Variants in ATP2B4 observed in about 807,000 individuals in gnomAD.
ATP2B4 encodes plasma membrane calcium-transporting ATPase 4.
Under a neutral mutation model 110.3 loss-of-function variants are expected in ATP2B4, and 39 were observed. That is an observed-to-expected ratio of 0.35 (90% CI 0.27 to 0.46). The LOEUF (loss-of-function observed/expected upper bound fraction) is 0.46. Among genes scored for constraint, ATP2B4 ranks in the 20% least tolerant of loss-of-function variants. The pLI is 1.00. For synonymous variants in ATP2B4, 538 were observed against 571.7 expected (o/e 0.94, Z 0.84); for missense variants, 1,135 against 1,530.9 (o/e 0.74, Z 4.32).
chr1:203,720,514 A>C (rs753043464), intron 15 of ATP2B4, 35 bp from the exon 16 acceptor site: 12 of 1,565,350 alleles, frequency 7.7e-6, no homozygotes, highest in Admixed American at 3.6e-5. Flanking sequence ...GGCTTTATCC[A>C]CTCCCTCACT....
intron 19 of ATP2B4, among the ~76,000 whole-genome samples, chr1:203,726,745 A>G (rs761631228): frequency 6.6e-6 from 1 of 152,150 alleles, no homozygotes; most frequent in African/African-American, 2.4e-5. Flanking sequence ...CTCACCGGGA[A>G]ATTTATTTCA....
Position 203,739,821 on chromosome 1 carries a change from C to G in ATP2B4, c.3585C>G (p.Asp1195Glu). 1 of 1,614,010 alleles carries G rather than the reference C, an allele frequency of 6.2e-7. No homozygotes were observed. The highest frequency in any genetic ancestry group is 8.5e-7 in the Non-Finnish European group (1 of 1,180,006). Residue 1195 changes from aspartate (D) to glutamate (E), a missense_variant, in exon 21 of 21, where the codon GAC becomes GAG. Coordinates refer to ENST00000357681, the MANE Select transcript of ATP2B4 (RefSeq NM_001684.5). ...ACCAAGTGCAGCTCCCCCAGTCGGACAGCTCTCTACAGAGCCTAGAGACAT... is the reference window on the plus strand; with the variant it reads ...ACCAAGTGCAGCTCCCCCAGTCGGAGAGCTCTCTACAGAGCCTAGAGACAT... ...DCNQVQLPQS[D>E]SSLQSLETSV
In ATP2B4 at chr1:203,683,342, T is replaced by TCCACTATGTACA. The variant is rs776505845; in HGVS notation, c.145_146insTACACCACTATG (p.Tyr48_Gly49insValHisHisTyr). Reference sequence around the variant, plus strand: ...AGGGATGCACTGACCCAGATTAATGTCCACTATGGAGGTGTACAGAATCTC... The same window carrying TCCACTATGTACA: ...AGGGATGCACTGACCCAGATTAATGTCCACTATGTACACCACTATGGAGGTGTACAGAATCTC... On this transcript the variant is annotated inframe_insertion, in exon 2 of 21. Transcript: ENST00000357681. 3.1e-6 allele frequency: 5 copies of TCCACTATGTACA among 1,614,056 alleles called. No homozygotes were observed. In the Admixed American group the frequency reaches 8.3e-5, roughly 27 times the overall value.
At chr1:203,692,217 G>A (rs1487127105) in intron 2 of ATP2B4, among the ~76,000 whole-genome samples, 1 of 150,954 alleles carries the variant, frequency 6.6e-6, no homozygotes, top group African/African-American at 2.4e-5. Flanking sequence ...TTGCTCTGTT[G>A]CCCAGGCTGG....
rs750615512 is a variant in ATP2B4, at chr1:203,698,282, A to C, written c.319A>C (p.Ile107Leu). The C allele has an allele frequency of 2.5e-6, 4 of 1,614,008 alleles. No homozygotes were observed. In the African/African-American group the frequency reaches 5.3e-5, roughly 22 times the overall value. ...GGAAGCTCTTCAAGATGTCACGCTTATCATCCTGGAGATTGCAGCCATCAT... is the reference window on the plus strand; with the variant it reads ...GGAAGCTCTTCAAGATGTCACGCTTCTCATCCTGGAGATTGCAGCCATCAT... The part of the protein sequence containing the change: ...VWEALQDVTL[I>L]ILEIAAIISL... The change falls in exon 3 of 21, where the codon ATC becomes CTC. Residue 107 changes from isoleucine to leucine, a missense_variant. Around this residue, in one of 9 missense-constraint regions of ATP2B4, gnomAD observed 101 missense variants for 182.6 expected, o/e 0.55. Transcript: ENST00000357681.
chr1:203,680,416 T>C (rs1375647337), intron 1 of ATP2B4, among the ~76,000 whole-genome samples: 2 of 152,130 alleles, frequency 1.3e-5, no homozygotes, highest in Non-Finnish European at 2.9e-5. Flanking sequence ...AAGACCATCC[T>C]GGCTAACACG....
intron 20 of ATP2B4, among the ~76,000 whole-genome samples, chr1:203,729,116 C>CA (rs34284926): frequency 0.043 from 6,190 of 144,120 alleles, 294 homozygotes; most frequent in African/African-American, 0.12. Context: ...AGAGTTGTCT[C>CA]AAAAAAAAAA....
At chr1:203,702,476 A>G (rs1234873428) in intron 7 of ATP2B4, among the ~76,000 whole-genome samples, 1 of 152,108 alleles carries the variant, frequency 6.6e-6, no homozygotes, top group African/African-American at 2.4e-5. Context: ...TAGTCCCTGC[A>G]CCGTCCTCTT....
intron 1 of ATP2B4, among the ~76,000 whole-genome samples, chr1:203,655,281 A>G (rs1466840270): frequency 1.3e-5 from 2 of 152,198 alleles, no homozygotes; most frequent in Non-Finnish European, 2.9e-5. Context: ...GTTTGAGAGG[A>G]CTGACTTCAA....
At chr1:203,651,038 G>A (rs1663975559) in intron 1 of ATP2B4, among the ~76,000 whole-genome samples, 1 of 152,140 alleles carries the variant, frequency 6.6e-6, no homozygotes, top group Non-Finnish European at 1.5e-5. Context: ...GCCTCCCAAA[G>A]TGCTGGGATT....
At chr1:203,650,389 C>T (rs1034147091) in intron 1 of ATP2B4, among the ~76,000 whole-genome samples, 2 of 152,122 alleles carry the variant, frequency 1.3e-5, no homozygotes, top group African/African-American at 4.8e-5. Context: ...GACGAGGGTC[C>T]CTGGGGAGGG....
At chr1:203,694,928 C>T (rs1222294690) in intron 2 of ATP2B4, among the ~76,000 whole-genome samples, 1 of 152,012 alleles carries the variant, frequency 6.6e-6, no homozygotes, top group East Asian at 1.9e-4. Flanking sequence ...TTCTCAACTA[C>T]ATGATATAGG....
chr1:203,671,623 G>A (rs1418095714), intron 1 of ATP2B4, among the ~76,000 whole-genome samples: 1 of 152,044 alleles, frequency 6.6e-6, no homozygotes, highest in Non-Finnish European at 1.5e-5. Flanking sequence ...CCTTTCCCAC[G>A]TCTCTGGTGC....
chr1:203,691,057 G>A (rs1665358778), intron 2 of ATP2B4, among the ~76,000 whole-genome samples: 3 of 152,188 alleles, frequency 2.0e-5, no homozygotes, highest in South Asian at 4.1e-4. Flanking sequence ...CTTGCCTAGA[G>A]CTGGGCTTCT....
intron 13 of ATP2B4, among the ~76,000 whole-genome samples, chr1:203,712,527 G>C (rs1666041248): frequency 6.6e-6 from 1 of 151,678 alleles, no homozygotes; most frequent in Non-Finnish European, 1.5e-5. Flanking sequence ...GGAGGCGGAG[G>C]GTGCAGTGAG....
At chr1:203,668,269 C>T (rs969908008) in intron 1 of ATP2B4, among the ~76,000 whole-genome samples, 1 of 152,064 alleles carries the variant, frequency 6.6e-6, no homozygotes, top group Non-Finnish European at 1.5e-5. Context: ...CTTTGGGAAC[C>T]CTGAAAGGAG....
chr1:203,645,145 T>C (rs961725109), intron 1 of ATP2B4, among the ~76,000 whole-genome samples: 7 of 152,192 alleles, frequency 4.6e-5, no homozygotes, highest in Admixed American at 4.6e-4. Context: ...TCAGCTTATC[T>C]CCTGCACCTA....
chr1:203,687,326 G>A (rs1665227719), intron 2 of ATP2B4, among the ~76,000 whole-genome samples: 1 of 152,158 alleles, frequency 6.6e-6, no homozygotes, highest in African/African-American at 2.4e-5. Context: ...AGAAGATATA[G>A]AACAGCTAAG....
intron 2 of ATP2B4, among the ~76,000 whole-genome samples, chr1:203,691,934 T>G (rs192339332): frequency 0.01 from 1,524 of 152,184 alleles, 20 homozygotes; most frequent in Non-Finnish European, 0.015. Context: ...CAGGCTGGAG[T>G]GCAGTGGCGC....
Sources: allele counts gnomAD v4.1 joint callset (sites outside exome capture counted in the v4.1 genomes callset), GRCh38; gene constraint gnomAD v4.1.1; regional missense constraint gnomAD v4.1.1; transcripts MANE v1.5; gene names NCBI Gene and HGNC (gene_info 2026-07-23, HGNC 2026-07-21).